The following RALYL variants were observed in gnomAD, a reference collection of about 807,000 sequenced individuals.
The protein encoded by RALYL is RNA-binding Raly-like protein.
In RALYL, 29 loss-of-function variants were observed where a neutral mutation model predicts 35.1. The ratio of observed to expected loss-of-function variants is 0.83; its 90% confidence interval spans 0.61 to 1.13. RALYL has a LOEUF of 1.13. Among genes scored for constraint, RALYL ranks in the 50% most tolerant of loss-of-function variants. The probability of loss-of-function intolerance (pLI) is 0.00; values close to 1 mark genes in which losing one functional copy is unlikely to be tolerated. For synonymous variants in RALYL, 120 were observed against 127.6 expected, an observed-to-expected ratio of 0.94 and a Z score of 0.40; for missense variants, 359 against 360.4, an observed-to-expected ratio of 1.00 and a Z score of 0.03.
At chr8:84,831,344 A>G (rs954377948) in intron 4 of RALYL, among the ~76,000 whole-genome samples, 5 of 152,134 alleles carry the variant, frequency 3.3e-5, no homozygotes, top group African/African-American at 1.2e-4. Context: ...TTTGTGGGAA[A>G]GGATTGTAAC....
chr8:84,337,328 T>A (rs1263407423), intron 1 of RALYL, among the ~76,000 whole-genome samples: 1 of 150,268 alleles, frequency 6.7e-6, no homozygotes, highest in African/African-American at 2.5e-5. Flanking sequence ...AGGAATGAAT[T>A]GTTTTTTTTT....
At chr8:84,621,560 C>A (rs553691407) in intron 2 of RALYL, among the ~76,000 whole-genome samples, 1 of 151,598 alleles carries the variant, frequency 6.6e-6, no homozygotes, top group Non-Finnish European at 1.5e-5. Context: ...CTGTCTTCGG[C>A]GTCGCTCACG....
At chr8:84,345,632 G>A (rs963718292) in intron 1 of RALYL, among the ~76,000 whole-genome samples, 18 of 151,980 alleles carry the variant, frequency 1.2e-4, no homozygotes, top group African/African-American at 4.1e-4. Context: ...AGACCCTCCA[G>A]CATCTCCCTC....
intron 2 of RALYL, among the ~76,000 whole-genome samples, chr8:84,678,130 C>CT (rs1189378507): frequency 1.3e-5 from 2 of 152,068 alleles, no homozygotes; most frequent in African/African-American, 4.8e-5. Flanking sequence ...GCTTTTCACC[C>CT]TTTATTTTTT....
At chr8:84,613,811 C>T (rs1027933241) in intron 2 of RALYL, among the ~76,000 whole-genome samples, 1 of 150,466 alleles carries the variant, frequency 6.6e-6, no homozygotes, top group African/African-American at 2.5e-5. Flanking sequence ...AAAATTATTA[C>T]TTAAGGTCAG....
chr8:84,284,948 A>G (rs1837310173), intron 1 of RALYL, among the ~76,000 whole-genome samples: 1 of 152,210 alleles, frequency 6.6e-6, no homozygotes, highest in East Asian at 1.9e-4. Flanking sequence ...TTGGATGTCT[A>G]TTTAAACTAC....
chr8:84,648,261 C>G (rs1292221590), intron 2 of RALYL, among the ~76,000 whole-genome samples: 3 of 152,100 alleles, frequency 2.0e-5, no homozygotes, highest in African/African-American at 7.2e-5. Context: ...TAGAAAACAT[C>G]AGATTCCACA....
intron 1 of RALYL, among the ~76,000 whole-genome samples, chr8:84,276,731 T>A (rs767444373): frequency 2.0e-5 from 3 of 152,164 alleles, no homozygotes; most frequent in Non-Finnish European, 4.4e-5. Flanking sequence ...AGGTTTGATA[T>A]TTGACATTTA....
intron 1 of RALYL, among the ~76,000 whole-genome samples, chr8:84,212,266 T>C (rs934113691): frequency 2.6e-5 from 4 of 152,194 alleles, no homozygotes; most frequent in Admixed American, 6.5e-5. Flanking sequence ...TTCCATTTAT[T>C]TTACACTGTA....
intron 2 of RALYL, among the ~76,000 whole-genome samples, chr8:84,771,241 A>G (rs1815421543): frequency 6.6e-6 from 1 of 151,676 alleles, no homozygotes; most frequent in African/African-American, 2.4e-5. Context: ...TGTCTCTGTC[A>G]TTTCTCTACT....
intron 6 of RALYL, among the ~76,000 whole-genome samples, chr8:84,869,993 A>T (rs1839905687): frequency 1.3e-5 from 2 of 152,190 alleles, no homozygotes; most frequent in South Asian, 4.1e-4. Flanking sequence ...CAGATCTGAA[A>T]TGACTTAATG....
At chr8:84,534,389 T>A (rs1233826284) in intron 2 of RALYL, among the ~76,000 whole-genome samples, 1 of 152,190 alleles carries the variant, frequency 6.6e-6, no homozygotes, top group Non-Finnish European at 1.5e-5. Context: ...CTAGCTGGAG[T>A]GTTTTACTTC....
At chr8:84,578,300 G>A (rs1310239219) in intron 2 of RALYL, among the ~76,000 whole-genome samples, 6 of 152,212 alleles carry the variant, frequency 3.9e-5, no homozygotes, top group Admixed American at 1.3e-4. Flanking sequence ...GAATGCAGTG[G>A]TGCCCAGAAG....
At chr8:84,435,325 T>A (rs1314390210) in intron 1 of RALYL, among the ~76,000 whole-genome samples, 1 of 152,122 alleles carries the variant, frequency 6.6e-6, no homozygotes, top group African/African-American at 2.4e-5. Context: ...TGTATAGACA[T>A]AACATAACAT....
chr8:84,234,096 A>ACC (rs1825951072), intron 1 of RALYL, among the ~76,000 whole-genome samples: 3 of 152,260 alleles, frequency 2.0e-5, no homozygotes, highest in Admixed American at 2.0e-4. Context: ...ATGAAGTATA[A>ACC]ACATAAATAT....
chr8:84,745,188 C>T (rs1589311922), intron 2 of RALYL, among the ~76,000 whole-genome samples: 2 of 151,998 alleles, frequency 1.3e-5, no homozygotes, highest in Admixed American at 1.3e-4. Flanking sequence ...CACCCTCCCT[C>T]TACTCCTTCA....
chr8:84,509,496 T>C (rs2057433163), intron 1 of RALYL, among the ~76,000 whole-genome samples: 1 of 152,200 alleles, frequency 6.6e-6, no homozygotes, highest in Non-Finnish European at 1.5e-5. Flanking sequence ...CAATGTCTTC[T>C]GCAGAGTAGG....
intron 1 of RALYL, among the ~76,000 whole-genome samples, chr8:84,424,134 A>C (rs919401677): frequency 6.3e-4 from 95 of 151,522 alleles, no homozygotes; most frequent in Non-Finnish European, 8.3e-4. Context: ...GGATAATATC[A>C]TGCAGAGTGT....
At chr8:84,720,068 G>A (rs182286386) in intron 2 of RALYL, among the ~76,000 whole-genome samples, 1 of 152,118 alleles carries the variant, frequency 6.6e-6, no homozygotes, top group East Asian at 1.9e-4. Context: ...CCAGGTTCAT[G>A]CATGTTGTCA....
Sources: gnomAD v4.1 joint callset for allele counts (sites outside exome capture counted in the v4.1 genomes callset) on GRCh38, gnomAD v4.1.1 for gene constraint, MANE v1.5 for transcripts, NCBI Gene and HGNC (gene_info 2026-07-23, HGNC 2026-07-21) for gene names.